Variants in GLRA3 observed in about 807,000 individuals in gnomAD.
GLRA3 encodes the protein glycine receptor subunit alpha-3.
Under a neutral mutation model 60.4 loss-of-function variants are expected in GLRA3, and 44 were observed. That is an observed-to-expected ratio of 0.73 (90% CI 0.57 to 0.94). GLRA3 has a LOEUF of 0.94. GLRA3 is among the 40% of genes least tolerant of loss of function. The pLI is 0.00. For synonymous variants in GLRA3, 223 were observed against 192.9 expected (o/e 1.16, Z -1.29); for missense variants, 508 against 564.6 (o/e 0.90, Z 1.02).
chr4:174,664,725 T>C (rs1376874107), intron 7 of GLRA3, among the ~76,000 whole-genome samples: 1 of 152,182 alleles, frequency 6.6e-6, no homozygotes, highest in African/African-American at 2.4e-5. Flanking sequence ...CAGTTCTTCA[T>C]TTGCTTTCTG....
intron 2 of GLRA3, among the ~76,000 whole-genome samples, chr4:174,775,149 C>T (rs143220885): frequency 1.6e-3 from 240 of 152,190 alleles, no homozygotes; most frequent in African/African-American, 5.1e-3. Context: ...TCAAGAGATA[C>T]TTCTTGTTAA....
At chr4:174,673,130 C>T (rs1003170018) in intron 7 of GLRA3, among the ~76,000 whole-genome samples, 8 of 151,936 alleles carry the variant, frequency 5.3e-5, no homozygotes, top group Non-Finnish European at 1.0e-4. Flanking sequence ...GGGTAGGTCT[C>T]TAATAGGAAT....
At position 174,677,181 on chromosome 4, in the gene GLRA3, A is replaced by G; in HGVS notation, c.824T>C (p.Phe275Ser). ...CGGTGCTGCATCCATGTTGATCCAG[A>G]ATGAAACCCAGGATAGAATAACAAT... Reference protein sequence around the residue: ...LLIVILSWVSFWINMDAAPAR... With the variant: ...LLIVILSWVSSWINMDAAPAR... Residue 275 changes from phenylalanine to serine, a missense_variant, in exon 7 of 10, where the codon TTC (phenylalanine) becomes TCC (serine). Coordinates refer to ENST00000274093, the MANE Select transcript of GLRA3 (RefSeq NM_006529.4). The G allele has an allele frequency of 1.9e-6, 3 of 1,612,530 alleles. No individual in the cohort carries two copies. The highest frequency in any genetic ancestry group is 2.5e-6 in the Non-Finnish European group (3 of 1,178,602).
intron 3 of GLRA3, among the ~76,000 whole-genome samples, chr4:174,759,979 G>T (rs1231762814): frequency 6.6e-6 from 1 of 152,120 alleles, no homozygotes; most frequent in East Asian, 1.9e-4. Context: ...GAAGCATAGA[G>T]TATTAAGCAA....
intron 1 of GLRA3, among the ~76,000 whole-genome samples, chr4:174,809,008 C>T (rs2111363241): frequency 6.6e-6 from 1 of 152,234 alleles, no homozygotes; most frequent in Non-Finnish European, 1.5e-5. Context: ...AAAAATTCGA[C>T]ACTAGTGTAC....
At chr4:174,745,401 A>AGTTTTTAGTT (rs1402094009) in intron 3 of GLRA3, among the ~76,000 whole-genome samples, 10 of 152,154 alleles carry the variant, frequency 6.6e-5, no homozygotes, top group African/African-American at 2.4e-4. Context: ...AGAGAAAAGC[A>AGTTTTTAGTT]TCTAGTCACC....
Position 174,637,490 on chromosome 4 carries a change from T to C in GLRA3, c.*6296A>G, listed in dbSNP as rs1031385418. 2.0e-5 allele frequency: 3 copies of C among 152,218 alleles called. No individual in the cohort carries two copies. The highest frequency in any genetic ancestry group is 4.4e-5 in the Non-Finnish European group (3 of 68,050). The allele number at this position is 152,218 out of a possible 1,614,324, so 9.4% of individuals were successfully genotyped here. A position where few individuals can be genotyped will look rare whatever the true frequency, so the allele number is the denominator to read the frequency against. ...GAAGTGCAAAATTATTCAAGCATAT[T>C]CAAGTACAATTTTACATCTGAATCC... is the stretch of plus-strand genomic sequence containing the variant. On this transcript the variant is annotated 3_prime_UTR_variant, in exon 10 of 10. Transcript: ENST00000274093.
At chr4:174,823,957 T>G (rs1301845835) in intron 1 of GLRA3, among the ~76,000 whole-genome samples, 1 of 152,220 alleles carries the variant, frequency 6.6e-6, no homozygotes, top group Non-Finnish European at 1.5e-5. Flanking sequence ...TACTTTTCCA[T>G]GTTCTGTTCC....
chr4:174,818,869 G>A (rs374073447), intron 1 of GLRA3, among the ~76,000 whole-genome samples: 3 of 152,138 alleles, frequency 2.0e-5, no homozygotes, highest in Non-Finnish European at 4.4e-5. Flanking sequence ...ATAAAGGAAT[G>A]ATTTAATAAT....
At chr4:174,716,004 G>A (rs1282839177) in intron 4 of GLRA3, among the ~76,000 whole-genome samples, 16 of 152,114 alleles carry the variant, frequency 1.1e-4, no homozygotes, top group African/African-American at 1.7e-4. Context: ...AATGCCAAAC[G>A]TCAAAAGGTA....
rs1333269605 is a variant in GLRA3 at position 174,786,142 on chromosome 4, GCTTA to G, written c.199+2670_199+2673del. Among the ~76,000 whole-genome samples, 6 of 151,716 alleles carry G rather than the reference GCTTA, an allele frequency of 4.0e-5. No individual in the cohort carries two copies. In the East Asian group the frequency reaches 1.2e-3, roughly 29 times the overall value. Reference sequence around the variant, plus strand: ...TACTGATATTCATGTCTCTAAACTTGCTTACTATTAATTCATTGTCTTTGACAAT... The same window carrying G: ...TACTGATATTCATGTCTCTAAACTTGCTATTAATTCATTGTCTTTGACAAT... On this transcript the variant is annotated intron_variant, in intron 2 of 9. Transcript: ENST00000274093.
At chr4:174,686,008 T>A (rs1469666690) in intron 5 of GLRA3, among the ~76,000 whole-genome samples, 2 of 152,240 alleles carry the variant, frequency 1.3e-5, no homozygotes, top group African/African-American at 2.4e-5. Context: ...GCTAATACAA[T>A]TTATAGACAG....
intron 1 of GLRA3, among the ~76,000 whole-genome samples, chr4:174,802,501 G>GT (rs926271346): frequency 2.6e-5 from 4 of 151,822 alleles, no homozygotes; most frequent in East Asian, 1.9e-4. Flanking sequence ...CCTAATTCTT[G>GT]TTTTTTTGTG....
At chr4:174,736,538 C>T (rs140376070) in intron 3 of GLRA3, among the ~76,000 whole-genome samples, 1 of 152,214 alleles carries the variant, frequency 6.6e-6, no homozygotes, top group African/African-American at 2.4e-5. Context: ...TTTACCTACT[C>T]TGGATATTTT....
At chr4:174,645,071 T>C (rs1181252728) in intron 9 of GLRA3, among the ~76,000 whole-genome samples, 1 of 152,120 alleles carries the variant, frequency 6.6e-6, no homozygotes, top group Non-Finnish European at 1.5e-5. Context: ...TCTCCTATGA[T>C]AATGCTTTTT....
chr4:174,814,760 T>C (rs1314790676), intron 1 of GLRA3, among the ~76,000 whole-genome samples: 1 of 152,056 alleles, frequency 6.6e-6, no homozygotes, highest in Non-Finnish European at 1.5e-5. Flanking sequence ...GGGAAAGACC[T>C]GCCCCCATGA....
chr4:174,732,090 C>T (rs556314971), intron 3 of GLRA3, among the ~76,000 whole-genome samples: 229 of 152,296 alleles, frequency 1.5e-3, no homozygotes, highest in Non-Finnish European at 2.6e-3. Context: ...GGTGCAGTGG[C>T]TTATGCCTTT....
At chr4:174,824,961 A>G (rs1010661624) in intron 1 of GLRA3, among the ~76,000 whole-genome samples, 10 of 152,144 alleles carry the variant, frequency 6.6e-5, no homozygotes, top group Non-Finnish European at 1.3e-4. Flanking sequence ...TAGTAAACAC[A>G]TAATTGCTGA....
chr4:174,710,234 C>T (rs533362105), intron 5 of GLRA3, among the ~76,000 whole-genome samples: 5 of 152,042 alleles, frequency 3.3e-5, no homozygotes, highest in South Asian at 2.1e-4. Flanking sequence ...ATAAGCAGTA[C>T]TTCTAAGGTT....
Sources: allele counts gnomAD v4.1 joint callset (sites outside exome capture counted in the v4.1 genomes callset), GRCh38; gene constraint gnomAD v4.1.1; transcripts MANE v1.5; gene names NCBI Gene and HGNC (gene_info 2026-07-23, HGNC 2026-07-21).